Variants in HDAC9 observed in about 807,000 individuals in gnomAD.
The protein encoded by HDAC9 is MEF-2 interacting transcription repressor (MITR) protein.
A neutral mutation model predicts 139.4 loss-of-function variants in HDAC9; 41 were observed. The observed-to-expected ratio is 0.29, with a 90% CI of 0.23 to 0.38. HDAC9 has a LOEUF of 0.38. Ranked by LOEUF, HDAC9 falls within the 10% of genes least tolerant of loss-of-function variation. The pLI, the probability that HDAC9 is intolerant of heterozygous loss-of-function variation, is 1.00. For synonymous variants in HDAC9, 517 were observed against 476.2 expected (o/e 1.09, Z -1.12); for missense variants, 1,147 against 1,297.0 (o/e 0.88, Z 1.78).
intron 6 of HDAC9, among the ~76,000 whole-genome samples, chr7:18,607,953 G>C (rs563400465): frequency 6.6e-6 from 1 of 152,022 alleles, no homozygotes; most frequent in African/African-American, 2.4e-5. Context: ...ATTTAGAACA[G>C]GCAGGACATT....
chr7:18,494,176 A>G (rs377286803), upstream of HDAC9, among the ~76,000 whole-genome samples: 27 of 152,220 alleles, frequency 1.8e-4, no homozygotes, highest in East Asian at 5.8e-4. Context: ...TTTGGAATAT[A>G]TATTTTTTAA....
exon 1 of HDAC9, chr7:18,290,501 TGC>T (rs1420697921): frequency 2.2e-6 from 1 of 456,634 alleles, no homozygotes; most frequent in East Asian, 7.0e-5. Context: ...AAAGAGGGAA[TGC>T]ACAACAAAAC....
intron 22 of HDAC9, among the ~76,000 whole-genome samples, chr7:18,907,666 C>G (rs1409277335): frequency 6.6e-6 from 1 of 152,202 alleles, no homozygotes; most frequent in Non-Finnish European, 1.5e-5. Context: ...TCCTCTGTAT[C>G]ATACCACCAA....
At chr7:18,830,269 A>T (rs1795763784) in intron 19 of HDAC9, among the ~76,000 whole-genome samples, 1 of 152,206 alleles carries the variant, frequency 6.6e-6, no homozygotes. Context: ...GCGAAAGAGA[A>T]GTGAATGGTG....
intron 24 of HDAC9, among the ~76,000 whole-genome samples, chr7:18,960,781 T>C (rs1275320651): frequency 2.0e-5 from 3 of 152,094 alleles, no homozygotes; most frequent in Non-Finnish European, 2.9e-5. Context: ...ATCATTATAA[T>C]ATCCTCTACC....
At chr7:18,844,618 A>T (rs1796792105) in intron 21 of HDAC9, among the ~76,000 whole-genome samples, 1 of 152,188 alleles carries the variant, frequency 6.6e-6, no homozygotes, top group African/African-American at 2.4e-5. Context: ...GTGATGCTGG[A>T]GTTACCGAAA....
At chr7:18,488,284 A>C (rs1259335177) in intron 1 of HDAC9, among the ~76,000 whole-genome samples, 1 of 152,028 alleles carries the variant, frequency 6.6e-6, no homozygotes, top group Non-Finnish European at 1.5e-5. Flanking sequence ...TAAAGAAAAT[A>C]GTGCTTCATT....
chr7:18,856,608 A>G (rs1797701512), intron 21 of HDAC9, among the ~76,000 whole-genome samples: 1 of 152,206 alleles, frequency 6.6e-6, no homozygotes. Flanking sequence ...AATGTATATT[A>G]CAAATACATT....
intron 23 of HDAC9, among the ~76,000 whole-genome samples, chr7:18,941,841 T>G (rs1782050857): frequency 6.6e-6 from 1 of 152,120 alleles, no homozygotes; most frequent in Admixed American, 6.5e-5. Flanking sequence ...TTTCTTATAT[T>G]CAACAAGGCA....
At chr7:18,842,101 C>G (rs1226492571) in intron 21 of HDAC9, among the ~76,000 whole-genome samples, 1 of 152,036 alleles carries the variant, frequency 6.6e-6, no homozygotes, top group Non-Finnish European at 1.5e-5. Context: ...TTAACAATGT[C>G]AAATGATTTG....
rs781247224 is a variant in HDAC9, at chr7:18,648,531, G to A, written c.1315G>A (p.Gly439Ser). 6.2e-6 allele frequency: 10 copies of A among 1,613,406 alleles called. No individual in the cohort carries two copies. Among genetic ancestry groups the A allele is most frequent in the Middle Eastern group, 1.7e-4 (1 of 6,060 alleles). Residue 439 changes from glycine to serine, a missense_variant, in exon 11 of 26, where the codon GGT (glycine) becomes AGT (serine). Physicochemically the swap from Gly to Ser is moderately conservative, Grantham distance 56. Around this residue, in one of 7 missense-constraint regions of HDAC9, gnomAD observed 264 missense variants for 273.8 expected, o/e 0.96. Transcript: ENST00000686413. ...AGAGAGAATTTCACCTGGCATTAGA[G>A]GTACCCACAAATTGCCCCGTCACAG... ...TKERISPGIR[G>S]THKLPRHRPL...
chr7:18,092,613 C>A (rs376036251), intron 1 of HDAC9, among the ~76,000 whole-genome samples: 1 of 151,962 alleles, frequency 6.6e-6, no homozygotes, highest in Non-Finnish European at 1.5e-5. Flanking sequence ...TCCCATTGTC[C>A]ATTGCCAAAA....
intron 17 of HDAC9, among the ~76,000 whole-genome samples, chr7:18,819,620 A>G (rs566286065): frequency 6.6e-6 from 1 of 152,346 alleles, no homozygotes; most frequent in Non-Finnish European, 1.5e-5. Context: ...CCCACCGGAA[A>G]ACATCATTTC....
chr7:18,791,199 A>G (rs1219557886), intron 16 of HDAC9, among the ~76,000 whole-genome samples: 1 of 152,232 alleles, frequency 6.6e-6, no homozygotes, highest in Non-Finnish European at 1.5e-5. Context: ...AGAAATAAAG[A>G]AAGAAACAAA....
At chr7:18,092,924 G>C (rs369233801) in intron 1 of HDAC9, among the ~76,000 whole-genome samples, 2 of 152,114 alleles carry the variant, frequency 1.3e-5, no homozygotes, top group Non-Finnish European at 2.9e-5. Context: ...TATATTCCAC[G>C]CATGAAAGAC....
chr7:18,504,260 C>T (rs1799158952), intron 2 of HDAC9, among the ~76,000 whole-genome samples: 1 of 151,986 alleles, frequency 6.6e-6, no homozygotes, highest in Non-Finnish European at 1.5e-5. Context: ...TTCTGTCATA[C>T]TCCTCTCTGA....
chr7:18,399,047 A>C (rs900478863), intron 1 of HDAC9, among the ~76,000 whole-genome samples: 7 of 152,188 alleles, frequency 4.6e-5, no homozygotes, highest in Non-Finnish European at 8.8e-5. Context: ...CCTATGGGCA[A>C]AGTTATTGCA....
chr7:18,578,811 T>C (rs1563352826), intron 2 of HDAC9, among the ~76,000 whole-genome samples: 1 of 152,184 alleles, frequency 6.6e-6, no homozygotes, highest in Non-Finnish European at 1.5e-5. Context: ...CCTCAAGACC[T>C]CTTCATTTTC....
chr7:18,453,228 T>C (rs1010088866), intron 1 of HDAC9, among the ~76,000 whole-genome samples: 5 of 152,178 alleles, frequency 3.3e-5, no homozygotes. Context: ...TTCACTTACT[T>C]CTTATGTATT....
Sources: gnomAD v4.1 joint callset for allele counts (sites outside exome capture counted in the v4.1 genomes callset) on GRCh38, gnomAD v4.1.1 for gene constraint, gnomAD v4.1.1 regional missense constraint, MANE v1.5 for transcripts, NCBI Gene and HGNC (gene_info 2026-07-23, HGNC 2026-07-21) for gene names.